Variants in PCDHGA7 observed in about 807,000 individuals in gnomAD.
The protein encoded by PCDHGA7 is protocadherin gamma subfamily A, 7, also known as protocadherin gamma-A7.
In PCDHGA7, 44 loss-of-function variants were observed where a neutral mutation model predicts 58.3. That is an observed-to-expected ratio of 0.75 (90% CI 0.59 to 0.97). The LOEUF (loss-of-function observed/expected upper bound fraction) is 0.97. PCDHGA7 is among the 50% of genes least tolerant of loss of function. The pLI, the probability that PCDHGA7 is intolerant of heterozygous loss-of-function variation, is 0.00. For missense variants in PCDHGA7, 1,266 were observed against 1,188.7 expected (o/e 1.06, Z -0.96); for synonymous variants, 516 against 504.2 (o/e 1.02, Z -0.31).
rs369227893 is a variant in PCDHGA7, at chr5:141,419,063, T to A, written c.2424+33740T>A. 47 of 1,613,840 alleles carry A rather than the reference T, an allele frequency of 2.9e-5. No homozygotes were observed. The highest frequency in any genetic ancestry group is 4.0e-5 in the Non-Finnish European group (47 of 1,179,904). On this transcript the variant is annotated intron_variant, in intron 1 of 3. Coordinates refer to ENST00000518325, the MANE Select transcript of PCDHGA7 (RefSeq NM_018920.4). ...GATTCATTCTTCTTCTAATAATTACTACAAGCTAGTAACAGATGAGGCCCT... is the reference window on the plus strand; with the variant it reads ...GATTCATTCTTCTTCTAATAATTACAACAAGCTAGTAACAGATGAGGCCCT...
rs1561598272 is a variant in PCDHGA7, at chr5:141,383,714, G to T, written c.815G>T (p.Gly272Val). The T allele has an allele frequency of 1.9e-6, 3 of 1,613,972 alleles. No homozygotes were observed. The highest frequency in any genetic ancestry group is 1.6e-4 in the Middle Eastern group (1 of 6,062). The change falls in exon 1 of 4, where the codon GGA (glycine) becomes GTA (valine). Residue 272 changes from glycine to valine, a missense_variant. Coordinates refer to ENST00000518325, the MANE Select transcript of PCDHGA7 (RefSeq NM_018920.4). ...GTACATGCTATCGACCTGGACGAGG[G>T]AGTCAATGGGGAAGTGACATATTCT... is the stretch of plus-strand genomic sequence containing the variant. ...LTVHAIDLDE[G>V]VNGEVTYSFR...
At chr5:141,394,458 A>G (rs776488659) in intron 1 of PCDHGA7, 1 of 1,614,218 alleles carries the variant, frequency 6.2e-7, no homozygotes, top group South Asian at 1.1e-5. Context: ...CATGTCACTG[A>G]GCCTGTTCGT....
rs541533867 is a variant in PCDHGA7 at position 141,415,164 on chromosome 5, G to T, written c.2424+29841G>T. 6.8e-6 allele frequency: 11 copies of T among 1,613,838 alleles called. No individual in the cohort carries two copies. The African/African-American group carries it at 1.3e-4, about 20-fold the overall frequency. Reference sequence around the variant, plus strand: ...AGCCCCCTCTCTCCGCCACTGTCACGCTCACCGTGGCCGTGGCCGACAGCA... The same window carrying T: ...AGCCCCCTCTCTCCGCCACTGTCACTCTCACCGTGGCCGTGGCCGACAGCA... On this transcript the variant is annotated intron_variant, in intron 1 of 3. Transcript: ENST00000518325.
intron 1 of PCDHGA7, among the ~76,000 whole-genome samples, chr5:141,483,889 CT>C (rs1298469461): frequency 6.6e-6 from 1 of 151,866 alleles, no homozygotes; most frequent in Admixed American, 6.6e-5. Flanking sequence ...TTCTATTTCT[CT>C]GAGCTCTGGT....
chr5:141,392,931 G>A (rs2092632355), intron 1 of PCDHGA7: 2 of 1,613,802 alleles, frequency 1.2e-6, no homozygotes, highest in Admixed American at 1.7e-5. Context: ...AGAAGAGACG[G>A]ACAAAGGCTC....
chr5:141,394,701 C>G lies in PCDHGA7; in HGVS notation c.2424+9378C>G, dbSNP rs375281416. 1.9e-6 allele frequency: 3 copies of G among 1,613,162 alleles called. No homozygotes were observed. Among genetic ancestry groups the G allele is most frequent in the Non-Finnish European group, 2.5e-6 (3 of 1,179,880 alleles). ...GCACACGGGCGAGGTGCGCACGGCG[C>G]GAGCCCTGCTGGACAGAGATGCGCT... is the stretch of plus-strand genomic sequence containing the variant. On this transcript the variant is annotated intron_variant, in intron 1 of 3. Transcript: ENST00000518325.
intron 1 of PCDHGA7, chr5:141,478,018 C>T: frequency 1.9e-6 from 3 of 1,614,124 alleles, no homozygotes; most frequent in Non-Finnish European, 2.5e-6. Context: ...CCCGTCCAGT[C>T]CAAGACACAG....
intron 1 of PCDHGA7, chr5:141,416,811 A>C (rs1355425793): frequency 2.6e-5 from 4 of 152,188 alleles, no homozygotes; most frequent in Non-Finnish European, 5.9e-5. Context: ...AAAGTCAAAA[A>C]GCATTCCGAA....
At chr5:141,483,753 G>A (rs1316976446) in intron 1 of PCDHGA7, among the ~76,000 whole-genome samples, 1 of 152,082 alleles carries the variant, frequency 6.6e-6, no homozygotes, top group Non-Finnish European at 1.5e-5. Flanking sequence ...CCTGAGGATC[G>A]AGGCTTGGAA....
At chr5:141,496,048 G>A (rs1327057788) in intron 2 of PCDHGA7, among the ~76,000 whole-genome samples, 1 of 148,400 alleles carries the variant, frequency 6.7e-6, no homozygotes, top group Non-Finnish European at 1.5e-5. Context: ...TCATTTTTTT[G>A]TGCTTGTGGG....
intron 1 of PCDHGA7, chr5:141,394,129 C>T: frequency 3.7e-6 from 6 of 1,613,968 alleles, no homozygotes; most frequent in Non-Finnish European, 5.1e-6. Context: ...ACTCAAATCG[C>T]TCTGCACGTG....
chr5:141,470,707 TA>T (rs1207543665), intron 1 of PCDHGA7, among the ~76,000 whole-genome samples: 1 of 152,164 alleles, frequency 6.6e-6, no homozygotes, highest in African/African-American at 2.4e-5. Flanking sequence ...ATTTTTATTT[TA>T]TTTTTTTGAG....
intron 1 of PCDHGA7, chr5:141,441,674 CT>C: frequency 3.4e-6 from 1 of 293,692 alleles, no homozygotes; most frequent in Non-Finnish European, 6.7e-6. Flanking sequence ...CACAGTGCGC[CT>C]TCGACCAAGA....
Position 141,398,701 on chromosome 5 carries a change from C to T in PCDHGA7, c.2424+13378C>T, listed in dbSNP as rs757215015. On this transcript the variant is annotated intron_variant, in intron 1 of 3. Transcript: ENST00000518325. Reference sequence around the variant, plus strand: ...GGAGAAACAGGATGGTAGTAAATACCCGGAACTGGCACTGGAGAAAACCTT... The same window carrying T: ...GGAGAAACAGGATGGTAGTAAATACTCGGAACTGGCACTGGAGAAAACCTT... The T allele has an allele frequency of 1.2e-5, 20 of 1,613,658 alleles. No homozygotes were observed. In the Admixed American group the frequency reaches 3.3e-4, roughly 27 times the overall value.
At chr5:141,423,089 G>A in intron 1 of PCDHGA7, 1 of 1,614,016 alleles carries the variant, frequency 6.2e-7, no homozygotes, top group Non-Finnish European at 8.5e-7. Flanking sequence ...TTCGCGGTGG[G>A]GGAGCACACG....
intron 1 of PCDHGA7, chr5:141,478,540 C>T (rs1221128622): frequency 6.2e-7 from 1 of 1,606,412 alleles, no homozygotes; most frequent in East Asian, 2.2e-5. Context: ...GCGCCCCTCC[C>T]GGACAGGTAA....
In PCDHGA7 at chr5:141,431,544, T is replaced by C. The variant is rs1409551731; in HGVS notation, c.2424+46221T>C. 1.2e-6 allele frequency: 2 copies of C among 1,614,152 alleles called. No individual in the cohort carries two copies. The highest frequency in any genetic ancestry group is 2.2e-5 in the South Asian group (2 of 91,092). ...AATCTGGCCTTGGGCACGCAGCTGC[T>C]TGTAGTCAACGCTACCGACCCTGAC... On this transcript the variant is annotated intron_variant, in intron 1 of 3. Coordinates refer to ENST00000518325, the MANE Select transcript of PCDHGA7 (RefSeq NM_018920.4). The surrounding 1 kb of genome is among the most constrained non-coding windows in gnomAD (Gnocchi z 4.8).
At chr5:141,492,505 C>A (rs1009723421) in intron 1 of PCDHGA7, among the ~76,000 whole-genome samples, 1 of 152,212 alleles carries the variant, frequency 6.6e-6, no homozygotes, top group Admixed American at 6.5e-5. Context: ...GACTCCGGAG[C>A]CTCCTCTCAC....
intron 1 of PCDHGA7, chr5:141,417,718 G>A: frequency 7.7e-7 from 1 of 1,304,720 alleles, no homozygotes; most frequent in Non-Finnish European, 1.0e-6. Flanking sequence ...GCTCCCGGCT[G>A]CGCAGACCTT....
Sources: allele counts gnomAD v4.1 joint callset (sites outside exome capture counted in the v4.1 genomes callset), GRCh38; gene constraint gnomAD v4.1.1; non-coding constraint Gnocchi (gnomAD v3.1); transcripts MANE v1.5; gene names NCBI Gene and HGNC (gene_info 2026-07-23, HGNC 2026-07-21).